SGCZ: variants seen among roughly 807,000 people sequenced by gnomAD.
SGCZ encodes zeta-sarcoglycan.
A neutral mutation model predicts 41.3 loss-of-function variants in SGCZ; 40 were observed. The observed-to-expected ratio is 0.97, with a 90% CI of 0.75 to 1.26. The LOEUF (loss-of-function observed/expected upper bound fraction) is 1.26. SGCZ is among the 50% of genes most tolerant of loss of function. SGCZ has a pLI of 0.00. For missense variants in SGCZ, 552 were observed against 369.8 expected, an observed-to-expected ratio of 1.49 and a Z score of -4.04; for synonymous variants, 206 against 137.5, an observed-to-expected ratio of 1.50 and a Z score of -3.49.
chr8:15,172,166 T>TTATTTATTTA (rs1563164722), intron 1 of SGCZ, among the ~76,000 whole-genome samples: 2 of 133,694 alleles, frequency 1.5e-5, no homozygotes, highest in African/African-American at 2.9e-5. Context: ...TTTTTTTTTT[T>TTATTTATTTA]TTTTTTTTTT....
chr8:14,378,928 C>A (rs1344131149), intron 2 of SGCZ, among the ~76,000 whole-genome samples: 1 of 152,116 alleles, frequency 6.6e-6, no homozygotes, highest in African/African-American at 2.4e-5. Context: ...TTTTTACAAA[C>A]TCAACATTGC....
intron 2 of SGCZ, among the ~76,000 whole-genome samples, chr8:14,550,630 T>G (rs1803774687): frequency 1.3e-5 from 2 of 152,002 alleles, no homozygotes; most frequent in South Asian, 4.1e-4. Flanking sequence ...TCCAACTTAA[T>G]AAATACCATT....
chr8:15,109,134 A>G (rs887675858), intron 1 of SGCZ, among the ~76,000 whole-genome samples: 1 of 152,202 alleles, frequency 6.6e-6, no homozygotes, highest in African/African-American at 2.4e-5. Flanking sequence ...GAGACCTAAA[A>G]CAAATATTTG....
At chr8:14,320,514 G>C (rs181817279) in intron 3 of SGCZ, among the ~76,000 whole-genome samples, 1 of 151,812 alleles carries the variant, frequency 6.6e-6, no homozygotes, top group Non-Finnish European at 1.5e-5. Context: ...CAATGTGCAA[G>C]TTTGTTACGT....
chr8:14,680,936 A>T (rs369240025), intron 1 of SGCZ, among the ~76,000 whole-genome samples: 4 of 149,448 alleles, frequency 2.7e-5, no homozygotes, highest in African/African-American at 9.8e-5. Flanking sequence ...GAAGAATCCA[A>T]ATGAAACATA....
chr8:14,365,485 T>C (rs12548010), intron 2 of SGCZ, among the ~76,000 whole-genome samples: 2,479 of 152,118 alleles, frequency 0.016, 67 homozygotes, highest in African/African-American at 0.056. Context: ...GTTTTGTTCA[T>C]TGATTTCCAT....
At position 14,382,249 on chromosome 8, in the gene SGCZ, G is replaced by C. The variant is rs551655018; in HGVS notation, c.235-58045C>G. ...TCTTCTGTGTAGCTGGAGCAGAAGA[G>C]GATTCTAACTAAAGAATATTTACAA... On this transcript the variant is annotated intron_variant, in intron 2 of 7. Transcript: ENST00000382080. Among the ~76,000 whole-genome samples the C allele has an allele frequency of 2.6e-5, 4 of 152,162 alleles. No individual in the cohort carries two copies. The East Asian group carries it at 7.7e-4, about 29-fold the overall frequency.
rs974037680 is a variant in SGCZ, at chr8:14,916,836, A to T, written c.39+320749T>A. 4.3e-4 allele frequency among the ~76,000 whole-genome samples: 66 copies of T among 152,172 alleles called. 1 individual carries two copies. The highest frequency in any genetic ancestry group is 2.9e-5 in the Non-Finnish European group (2 of 68,010). Reference sequence around the variant, plus strand: ...CCAAGGATTCAGCTGGGTACTTTGTAAAAATAGACGCATAGTTATTTTTTA... The same window carrying T: ...CCAAGGATTCAGCTGGGTACTTTGTTAAAATAGACGCATAGTTATTTTTTA... On this transcript the variant is annotated intron_variant, in intron 1 of 7. Transcript: ENST00000382080.
chr8:14,962,136 G>A (rs183455407), intron 1 of SGCZ, among the ~76,000 whole-genome samples: 3 of 152,240 alleles, frequency 2.0e-5, no homozygotes, highest in African/African-American at 4.8e-5. Flanking sequence ...TCAACATCAA[G>A]TGTATCATGA....
In SGCZ at chr8:14,147,350, T is replaced by G. The variant is rs114858369; in HGVS notation, c.547+17230A>C. Among the ~76,000 whole-genome samples, 952 of 151,812 alleles carry G rather than the reference T, an allele frequency of 6.3e-3. 13 individuals carry two copies. The highest frequency in any genetic ancestry group is 0.022 in the African/African-American group (924 of 41,376). ...TTGACCTATAAAGATACACACAGAC[T>G]GAAAAGAAAGGTATGGAAAAAGATA... On this transcript the variant is annotated intron_variant, in intron 5 of 7. Transcript: ENST00000382080.
At chr8:14,990,314 G>C (rs898273754) in intron 1 of SGCZ, among the ~76,000 whole-genome samples, 8 of 152,074 alleles carry the variant, frequency 5.3e-5, no homozygotes, top group Non-Finnish European at 7.4e-5. Flanking sequence ...GTCCCTTGAG[G>C]CCAGGGTCCC....
chr8:14,178,613 A>T (rs1454135961), intron 4 of SGCZ, among the ~76,000 whole-genome samples: 1 of 152,216 alleles, frequency 6.6e-6, no homozygotes, highest in East Asian at 1.9e-4. Flanking sequence ...AGAACAGCTG[A>T]ATTTTCTGAA....
intron 5 of SGCZ, among the ~76,000 whole-genome samples, chr8:14,149,931 CA>C (rs1803647720): frequency 6.6e-6 from 1 of 152,054 alleles, no homozygotes; most frequent in Non-Finnish European, 1.5e-5. Flanking sequence ...GGAGAAAAGA[CA>C]GTCTATCAAT....
chr8:14,905,757 C>A (rs915381541), intron 1 of SGCZ, among the ~76,000 whole-genome samples: 54 of 151,346 alleles, frequency 3.6e-4, no homozygotes, highest in African/African-American at 1.3e-3. Context: ...TGGGCAGCAG[C>A]ATAGACAGAC....
chr8:14,786,883 T>C (rs1039598423), intron 1 of SGCZ, among the ~76,000 whole-genome samples: 2 of 146,748 alleles, frequency 1.4e-5, no homozygotes, highest in Non-Finnish European at 3.0e-5. Context: ...AAGTCTTAGA[T>C]AAAGACAGCC....
chr8:14,947,055 C>T (rs984800986), intron 1 of SGCZ, among the ~76,000 whole-genome samples: 3 of 151,972 alleles, frequency 2.0e-5, no homozygotes, highest in African/African-American at 7.3e-5. Context: ...ATTTCTTTAT[C>T]CAGCCTCTCC....
chr8:14,860,126 T>A (rs968106642), intron 1 of SGCZ, among the ~76,000 whole-genome samples: 8 of 151,860 alleles, frequency 5.3e-5, no homozygotes, highest in Non-Finnish European at 8.8e-5. Flanking sequence ...GTGGTACACA[T>A]ACAGAAATTA....
chr8:14,858,092 G>T (rs1193016045), intron 1 of SGCZ, among the ~76,000 whole-genome samples: 1 of 152,010 alleles, frequency 6.6e-6, no homozygotes, highest in Non-Finnish European at 1.5e-5. Context: ...CTTATTAACT[G>T]ATCTCCTTTA....
At chr8:14,275,816 C>T (rs533803166) in intron 3 of SGCZ, among the ~76,000 whole-genome samples, 53 of 152,198 alleles carry the variant, frequency 3.5e-4, no homozygotes, top group African/African-American at 1.2e-3. Flanking sequence ...CCTGGGAATC[C>T]AAGGATCCAC....
Sources: allele counts gnomAD v4.1 joint callset (sites outside exome capture counted in the v4.1 genomes callset), GRCh38; gene constraint gnomAD v4.1.1; transcripts MANE v1.5; gene names NCBI Gene and HGNC (gene_info 2026-07-23, HGNC 2026-07-21).